GRIK1: variants seen among roughly 807,000 people sequenced by gnomAD.
The protein encoded by GRIK1 is glutamate receptor ionotropic, kainate 1.
Under a neutral mutation model 105.7 loss-of-function variants are expected in GRIK1, and 69 were observed. The observed-to-expected ratio is 0.65, with a 90% CI of 0.54 to 0.80. GRIK1 has a LOEUF of 0.80. Ranked by LOEUF, GRIK1 falls within the 30% of genes least tolerant of loss-of-function variation. GRIK1 has a pLI of 0.00. For missense variants in GRIK1, 1,109 were observed against 1,167.3 expected (o/e 0.95, Z 0.73); for synonymous variants, 438 against 431.3 (o/e 1.02, Z -0.19).
intron 1 of GRIK1, among the ~76,000 whole-genome samples, chr21:29,768,628 A>G (rs902465168): frequency 1.3e-5 from 2 of 152,166 alleles, no homozygotes; most frequent in African/African-American, 2.4e-5. Flanking sequence ...TCTGGGTTGC[A>G]TGGGCATATG....
At chr21:29,617,567 C>T (rs1350923497) in intron 7 of GRIK1, among the ~76,000 whole-genome samples, 2 of 151,244 alleles carry the variant, frequency 1.3e-5, no homozygotes, top group South Asian at 2.1e-4. Context: ...CCCAGGTACC[C>T]GGGCCCAGTG....
At chr21:29,625,210 G>A (rs939626786) in intron 7 of GRIK1, among the ~76,000 whole-genome samples, 10 of 152,108 alleles carry the variant, frequency 6.6e-5, no homozygotes, top group African/African-American at 1.2e-4. Flanking sequence ...GGTAGAGGAC[G>A]GGCAACATAA....
chr21:29,604,293 A>G (rs1431584903), intron 7 of GRIK1, among the ~76,000 whole-genome samples: 4 of 152,104 alleles, frequency 2.6e-5, no homozygotes, highest in Non-Finnish European at 5.9e-5. Flanking sequence ...AAATATCTAC[A>G]TAGACTCCCT....
At chr21:29,829,100 G>T (rs2067556502) in intron 1 of GRIK1, among the ~76,000 whole-genome samples, 1 of 152,072 alleles carries the variant, frequency 6.6e-6, no homozygotes, top group Non-Finnish European at 1.5e-5. Flanking sequence ...GAAGGATGAG[G>T]ATCCTGAATT....
At chr21:29,853,208 C>T (rs372749992) in intron 1 of GRIK1, among the ~76,000 whole-genome samples, 4 of 152,352 alleles carry the variant, frequency 2.6e-5, no homozygotes, top group African/African-American at 7.2e-5. Context: ...AGCTTCCTCT[C>T]AAGTAAGTAA....
In GRIK1 at chr21:29,581,535, GGT is replaced by G; in HGVS notation, c.1800_1801del (p.Pro601LeufsTer5). 6.3e-7 allele frequency: 1 copy of G among 1,579,792 alleles called. No homozygotes were observed. The highest frequency in any genetic ancestry group is 8.7e-7 in the Non-Finnish European group (1 of 1,149,266). On this transcript the variant is annotated frameshift_variant, in exon 13 of 18. Coordinates refer to ENST00000327783, the MANE Select transcript of GRIK1 (RefSeq NM_001330994.2). LOFTEE classifies it high-confidence loss of function. ...TGGGTGGGGGTTATACCACTCGTAG[GGT>G]GTAAACCTGTGGTAGTTAACAGAAA... is the stretch of plus-strand genomic sequence containing the variant.
chr21:29,773,866 T>C (rs1490579707), intron 1 of GRIK1, among the ~76,000 whole-genome samples: 1 of 152,198 alleles, frequency 6.6e-6, no homozygotes, highest in Non-Finnish European at 1.5e-5. Flanking sequence ...ACTACATTCA[T>C]TCAACTTAAA....
At chr21:29,934,345 C>T (rs575265339) in intron 1 of GRIK1, among the ~76,000 whole-genome samples, 5 of 152,280 alleles carry the variant, frequency 3.3e-5, no homozygotes, top group Admixed American at 1.3e-4. Context: ...TCGATTTCCA[C>T]TTAGTACACA....
intron 8 of GRIK1, chr21:29,597,650 A>G: frequency 2.1e-6 from 1 of 468,968 alleles, no homozygotes; most frequent in South Asian, 1.6e-5. Context: ...AGAGGGGCAA[A>G]TCAGAGTGAA....
At chr21:29,911,916 C>G (rs2070831636) in intron 1 of GRIK1, among the ~76,000 whole-genome samples, 1 of 152,032 alleles carries the variant, frequency 6.6e-6, no homozygotes, top group African/African-American at 2.4e-5. Flanking sequence ...CTCAAATAGA[C>G]TAACACACTG....
At chr21:29,739,035 A>G (rs1569033902) in intron 1 of GRIK1, among the ~76,000 whole-genome samples, 1 of 152,212 alleles carries the variant, frequency 6.6e-6, no homozygotes, top group Non-Finnish European at 1.5e-5. Context: ...AATGGTTTTG[A>G]GGCAATAGGG....
chr21:29,852,614 G>A (rs1299363811), intron 1 of GRIK1, among the ~76,000 whole-genome samples: 1 of 152,182 alleles, frequency 6.6e-6, no homozygotes, highest in Non-Finnish European at 1.5e-5. Context: ...GAAAGCTGAA[G>A]CAAATGAAGG....
intron 7 of GRIK1, among the ~76,000 whole-genome samples, chr21:29,620,790 T>TATAG (rs1395854796): frequency 7.0e-5 from 8 of 113,580 alleles, no homozygotes; most frequent in African/African-American, 3.8e-4. Flanking sequence ...TAGATATATA[T>TATAG]ATCTATATAT....
rs2067375544 is a variant in GRIK1 at position 29,823,965 on chromosome 21, A to G, written c.118+115418T>C. Reference sequence around the variant, plus strand: ...ACCATGGAGGGTCATAAGAAGACAAAGAACAAGGAGTCTAACAGGATCCCA... The same window carrying G: ...ACCATGGAGGGTCATAAGAAGACAAGGAACAAGGAGTCTAACAGGATCCCA... On this transcript the variant is annotated intron_variant, in intron 1 of 17. Transcript: ENST00000327783. Among the ~76,000 whole-genome samples the G allele has an allele frequency of 2.0e-5, 3 of 152,060 alleles. No homozygotes were observed. The South Asian group carries it at 6.2e-4, about 32-fold the overall frequency.
chr21:29,584,368 G>T (rs16984416), intron 12 of GRIK1, among the ~76,000 whole-genome samples: 5,484 of 152,076 alleles, frequency 0.036, 330 homozygotes, highest in African/African-American at 0.12. Context: ...GAACATAAAT[G>T]ATAAAATGTA....
At position 29,809,747 on chromosome 21, in the gene GRIK1, C is replaced by T. The variant is rs149210500; in HGVS notation, c.119-115684G>A. Among the ~76,000 whole-genome samples the T allele has an allele frequency of 3.9e-3, 597 of 152,286 alleles. 1 individual carries two copies. Among genetic ancestry groups the T allele is most frequent in the South Asian group, 6.4e-3 (31 of 4,826 alleles). On this transcript the variant is annotated intron_variant, in intron 1 of 17. Coordinates refer to ENST00000327783, the MANE Select transcript of GRIK1 (RefSeq NM_001330994.2). Reference sequence around the variant, plus strand: ...CTTTTGCCATGTCTTCCTCACTAAGCTTAATAATTTCTAGCTCTTGATTTT... The same window carrying T: ...CTTTTGCCATGTCTTCCTCACTAAGTTTAATAATTTCTAGCTCTTGATTTT...
intron 1 of GRIK1, among the ~76,000 whole-genome samples, chr21:29,905,945 GT>G (rs201811583): frequency 8.0e-4 from 118 of 147,868 alleles, no homozygotes; most frequent in South Asian, 1.5e-3. Context: ...TGTTTTTTTT[GT>G]TTGTTTGTTT....
Position 29,782,114 on chromosome 21 carries a change from T to C in GRIK1, c.119-88051A>G, listed in dbSNP as rs536570522. On this transcript the variant is annotated intron_variant, in intron 1 of 17. Coordinates refer to ENST00000327783, the MANE Select transcript of GRIK1 (RefSeq NM_001330994.2). The stretch of plus-strand genomic sequence containing the variant: ...TTTTTTTTTTTTTTCTGAGACGGAG[T>C]CTCGCTGTGTCGCCCAGGCTGGAGT... Among the ~76,000 whole-genome samples the C allele has an allele frequency of 2.8e-5, 4 of 143,530 alleles. No individual in the cohort carries two copies. The East Asian group carries it at 8.3e-4, about 30-fold the overall frequency. 94.2% of individuals were successfully genotyped at this position (143,530 alleles called of 152,430 possible).
intron 1 of GRIK1, among the ~76,000 whole-genome samples, chr21:29,715,368 G>A (rs2064154680): frequency 6.6e-6 from 1 of 152,158 alleles, no homozygotes; most frequent in Non-Finnish European, 1.5e-5. Flanking sequence ...TAGGAGGAGA[G>A]ACAGGAGGCC....
Sources: gnomAD v4.1 joint callset for allele counts (sites outside exome capture counted in the v4.1 genomes callset) on GRCh38, gnomAD v4.1.1 for gene constraint, MANE v1.5 for transcripts, NCBI Gene and HGNC (gene_info 2026-07-23, HGNC 2026-07-21) for gene names.